The following JAZF1 variants were observed in gnomAD, a reference collection of about 807,000 sequenced individuals.
The protein encoded by JAZF1 is juxtaposed with another zinc finger protein 1.
Under a neutral mutation model 26.4 loss-of-function variants are expected in JAZF1, and 8 were observed. The ratio of observed to expected loss-of-function variants is 0.30; its 90% confidence interval spans 0.18 to 0.55. JAZF1 has a LOEUF of 0.55. JAZF1 is among the 20% of genes least tolerant of loss of function. The pLI is 0.94. For missense variants in JAZF1, 199 were observed against 322.0 expected, an observed-to-expected ratio of 0.62 and a Z score of 2.92; for synonymous variants, 126 against 122.3, an observed-to-expected ratio of 1.03 and a Z score of -0.20.
At chr7:27,920,789 A>C (rs1784515483) in intron 2 of JAZF1, among the ~76,000 whole-genome samples, 1 of 152,192 alleles carries the variant, frequency 6.6e-6, no homozygotes, top group Non-Finnish European at 1.5e-5. Flanking sequence ...ATAATGATTG[A>C]AGGGAAAATA....
intron 3 of JAZF1, among the ~76,000 whole-genome samples, chr7:27,878,310 T>C (rs1181363468): frequency 6.6e-6 from 1 of 152,166 alleles, no homozygotes; most frequent in Non-Finnish European, 1.5e-5. Flanking sequence ...CTTGTAGCCT[T>C]CCAAATTTTT....
intron 2 of JAZF1, among the ~76,000 whole-genome samples, chr7:27,987,463 C>T (rs995033613): frequency 7.2e-5 from 11 of 152,110 alleles, no homozygotes; most frequent in African/African-American, 2.2e-4. Context: ...GCCTGGCAGC[C>T]GCCCCGTCCA....
chr7:27,987,577 C>T (rs1157671232), intron 2 of JAZF1, among the ~76,000 whole-genome samples: 11 of 150,944 alleles, frequency 7.3e-5, no homozygotes, highest in African/African-American at 2.7e-4. Flanking sequence ...TGGGGGGCAG[C>T]CCCCGCCCGG....
chr7:28,100,977 T>C (rs555229145), intron 1 of JAZF1, among the ~76,000 whole-genome samples: 3 of 152,320 alleles, frequency 2.0e-5, no homozygotes, highest in African/African-American at 7.2e-5. Context: ...CATCTAACAG[T>C]GAGCTGGTGA....
chr7:27,849,766 C>CACACACACACACACACACAT (rs1783106601), intron 3 of JAZF1, among the ~76,000 whole-genome samples: 1 of 147,426 alleles, frequency 6.8e-6, no homozygotes, highest in Non-Finnish European at 1.5e-5. Context: ...CACACACACA[C>CACACACACACACACACACAT]ACACACACCC....
chr7:27,902,089 G>A (rs1161360780), intron 2 of JAZF1, among the ~76,000 whole-genome samples: 3 of 152,200 alleles, frequency 2.0e-5, no homozygotes, highest in African/African-American at 7.2e-5. Context: ...CTGACTGGGT[G>A]AAAGGCTACT....
At chr7:27,865,221 T>C (rs1783453431) in intron 3 of JAZF1, among the ~76,000 whole-genome samples, 1 of 152,000 alleles carries the variant, frequency 6.6e-6, no homozygotes, top group African/African-American at 2.4e-5. Context: ...AATACAGAAA[T>C]TAGCCAGGTG....
intron 1 of JAZF1, among the ~76,000 whole-genome samples, chr7:28,072,616 T>G (rs1448894815): frequency 1.3e-5 from 2 of 152,016 alleles, no homozygotes; most frequent in Non-Finnish European, 2.9e-5. Flanking sequence ...AAAGATAAAC[T>G]AAAGAAAAAA....
intron 1 of JAZF1, among the ~76,000 whole-genome samples, chr7:28,172,466 C>A (rs1208531748): frequency 6.6e-6 from 1 of 152,120 alleles, no homozygotes; most frequent in Non-Finnish European, 1.5e-5. Context: ...TTTTTGGTAT[C>A]AGGCATATTC....
chr7:27,891,459 T>C (rs1783975954), intron 3 of JAZF1, among the ~76,000 whole-genome samples: 1 of 152,158 alleles, frequency 6.6e-6, no homozygotes, highest in Admixed American at 6.5e-5. Context: ...ATACTTTTTC[T>C]ATATATTAAA....
intron 2 of JAZF1, among the ~76,000 whole-genome samples, chr7:27,909,806 CTT>C (rs1401014553): frequency 6.6e-6 from 1 of 152,202 alleles, no homozygotes; most frequent in South Asian, 2.1e-4. Context: ...CCCTTCCTCC[CTT>C]TTTAGGCCAT....
At chr7:28,136,167 C>T (rs79076872) in intron 1 of JAZF1, among the ~76,000 whole-genome samples, 251 of 152,268 alleles carry the variant, frequency 1.6e-3, no homozygotes, top group African/African-American at 5.8e-3. Flanking sequence ...TGTCAGGCAC[C>T]CTGCTGAACG....
intron 1 of JAZF1, among the ~76,000 whole-genome samples, chr7:28,100,652 C>T (rs1784458510): frequency 6.6e-6 from 1 of 152,122 alleles, no homozygotes; most frequent in African/African-American, 2.4e-5. Context: ...CACAGAAGTG[C>T]CTTCACATTC....
chr7:28,111,674 G>A (rs756987816), intron 1 of JAZF1, among the ~76,000 whole-genome samples: 7 of 152,224 alleles, frequency 4.6e-5, no homozygotes, highest in Admixed American at 1.3e-4. Context: ...GTAAGTATTA[G>A]AGGATATTGT....
At chr7:27,874,579 C>T (rs187865685) in intron 3 of JAZF1, among the ~76,000 whole-genome samples, 4 of 152,334 alleles carry the variant, frequency 2.6e-5, no homozygotes, top group Admixed American at 1.3e-4. Context: ...TATGAAAAAA[C>T]ATTAACATAC....
At chr7:27,897,451 A>G (rs953795262) in intron 2 of JAZF1, among the ~76,000 whole-genome samples, 2 of 152,200 alleles carry the variant, frequency 1.3e-5, no homozygotes, top group Non-Finnish European at 2.9e-5. Context: ...GTAAGGAATT[A>G]ACGTACGTCT....
At chr7:27,981,673 AATTT>A (rs1303288426) in intron 2 of JAZF1, among the ~76,000 whole-genome samples, 9 of 152,162 alleles carry the variant, frequency 5.9e-5, no homozygotes, top group African/African-American at 2.2e-4. Context: ...GTGATGTTTT[AATTT>A]GTTTTTACAT....
intron 1 of JAZF1, among the ~76,000 whole-genome samples, chr7:28,012,303 G>A (rs1782812032): frequency 6.6e-6 from 1 of 152,028 alleles, no homozygotes; most frequent in African/African-American, 2.4e-5. Context: ...TCTATTTCTG[G>A]CTTACAGCAT....
At chr7:27,908,758 T>C (rs1393875898) in intron 2 of JAZF1, among the ~76,000 whole-genome samples, 2 of 152,274 alleles carry the variant, frequency 1.3e-5, no homozygotes, top group Admixed American at 6.5e-5. Context: ...TTTCTGCTTT[T>C]CTCAGCCCTT....
Sources: allele counts gnomAD v4.1 joint callset (sites outside exome capture counted in the v4.1 genomes callset), GRCh38; gene constraint gnomAD v4.1.1; transcripts MANE v1.5; gene names NCBI Gene and HGNC (gene_info 2026-07-23, HGNC 2026-07-21).